Variants in C8orf89 observed in about 807,000 individuals in gnomAD.
C8orf89 encodes putative uncharacterized protein C8orf89.
Under a neutral mutation model 15.8 loss-of-function variants are expected in C8orf89, and 14 were observed. The ratio of observed to expected loss-of-function variants is 0.89; its 90% CI spans 0.59 to 1.39. The LOEUF (loss-of-function observed/expected upper bound fraction) is 1.39, where lower values mean the gene tolerates loss of function less well. Ranked by LOEUF, C8orf89 falls within the 40% of genes most tolerant of loss-of-function variation. The pLI is 0.00. For synonymous variants in C8orf89, 55 were observed against 62.2 expected (o/e 0.88, Z 0.54); for missense variants, 181 against 184.5 (o/e 0.98, Z 0.11).
intron 3 of C8orf89, among the ~76,000 whole-genome samples, chr8:73,248,806 G>T (rs1813184238): frequency 6.6e-6 from 1 of 152,128 alleles, no homozygotes; most frequent in Non-Finnish European, 1.5e-5. Context: ...TTGAAATTTT[G>T]CTGAAGTTGT....
chr8:73,268,363 C>T, the C8orf89 span, among the ~76,000 whole-genome samples: 1 of 151,988 alleles, frequency 6.6e-6, no homozygotes, highest in South Asian at 2.1e-4. Flanking sequence ...CCTGTAATCC[C>T]AGCTACTCAG....
chr8:73,282,389 T>G, the C8orf89 span, among the ~76,000 whole-genome samples: 470 of 152,236 alleles, frequency 3.1e-3, 4 homozygotes, highest in African/African-American at 0.011. Context: ...AAAAAAGACT[T>G]TAAAGAAATT....
chr8:73,285,379 C>T, the C8orf89 span, among the ~76,000 whole-genome samples: 1 of 152,220 alleles, frequency 6.6e-6, no homozygotes, highest in Non-Finnish European at 1.5e-5. Flanking sequence ...TAGTAGCCTT[C>T]CTCAGGTCCC....
chr8:73,260,520 G>A (rs979950390), upstream of C8orf89, among the ~76,000 whole-genome samples: 2 of 152,066 alleles, frequency 1.3e-5, no homozygotes, highest in Non-Finnish European at 2.9e-5. Context: ...ATGTACCCTA[G>A]AACTTAAAGT....
At position 73,241,616 on chromosome 8, in the gene C8orf89, A is replaced by T. The variant is rs1043986016; in HGVS notation, c.338-11T>A. ...CACTGAAGCCAGAACCTGGAGGAGGAGGTGGGGAGTCAGCTATTAAAATGA... is the reference window on the plus strand; with the variant it reads ...CACTGAAGCCAGAACCTGGAGGAGGTGGTGGGGAGTCAGCTATTAAAATGA... On this transcript the variant is annotated splice_polypyrimidine_tract_variant and intron_variant, in intron 3 of 3. Transcript: ENST00000624510. 7 of 1,491,778 alleles carry T rather than the reference A, an allele frequency of 4.7e-6. No individual in the cohort carries two copies. Among genetic ancestry groups the T allele is most frequent in the Non-Finnish European group, 6.2e-6 (7 of 1,126,096 alleles). 92.4% of individuals were successfully genotyped at this position (1,491,778 alleles called of 1,614,324 possible).
chr8:73,267,720 TC>T, the C8orf89 span, among the ~76,000 whole-genome samples: 5 of 152,194 alleles, frequency 3.3e-5, no homozygotes, highest in Non-Finnish European at 7.3e-5. Context: ...TAAACACTAA[TC>T]TAGGTGTTGC....
chr8:73,241,731 A>G, intron 3 of C8orf89, 126 bp from the exon 4 acceptor site: 1 of 751,640 alleles, frequency 1.3e-6, no homozygotes, highest in Non-Finnish European at 1.9e-6. Context: ...TAGTTCTTAT[A>G]CTACAGAGCT....
At chr8:73,283,936 G>T in the C8orf89 span, among the ~76,000 whole-genome samples, 2 of 151,908 alleles carry the variant, frequency 1.3e-5, no homozygotes, top group Non-Finnish European at 2.9e-5. Flanking sequence ...CCAGCTACTT[G>T]GGAGGCTGAG....
the C8orf89 span, among the ~76,000 whole-genome samples, chr8:73,269,310 T>G: frequency 6.6e-6 from 1 of 152,182 alleles, no homozygotes; most frequent in South Asian, 2.1e-4. Flanking sequence ...TAAAATATAT[T>G]TTGCTGTTAT....
chr8:73,260,413 C>T (rs1393982983), upstream of C8orf89, among the ~76,000 whole-genome samples: 1 of 151,952 alleles, frequency 6.6e-6, no homozygotes, highest in Non-Finnish European at 1.5e-5. Flanking sequence ...GCAGGGATAG[C>T]ATTAGGAGAT....
the C8orf89 span, among the ~76,000 whole-genome samples, chr8:73,285,589 G>A: frequency 2.0e-5 from 3 of 152,260 alleles, no homozygotes; most frequent in Non-Finnish European, 4.4e-5. Context: ...CTCGTCCTGA[G>A]ACGGGCCAGC....
At chr8:73,265,465 A>C in the C8orf89 span, among the ~76,000 whole-genome samples, 1 of 152,230 alleles carries the variant, frequency 6.6e-6, no homozygotes. Context: ...GTGGAACACA[A>C]AGAAGGGAGT....
upstream of C8orf89, among the ~76,000 whole-genome samples, chr8:73,264,120 A>G (rs953646000): frequency 4.6e-5 from 7 of 152,230 alleles, no homozygotes; most frequent in Non-Finnish European, 1.0e-4. Flanking sequence ...ACAGCACTTC[A>G]GTGTAACTAT....
the C8orf89 span, among the ~76,000 whole-genome samples, chr8:73,268,200 C>T: frequency 2.2e-4 from 34 of 152,288 alleles, no homozygotes; most frequent in Non-Finnish European, 4.3e-4. Flanking sequence ...ACATAGCAGG[C>T]TGGGCGCGGT....
chr8:73,276,109 TTTTATGG>T, the C8orf89 span, among the ~76,000 whole-genome samples: 3 of 152,098 alleles, frequency 2.0e-5, no homozygotes, highest in African/African-American at 7.2e-5. Context: ...AGTAAAATTT[TTTTATGG>T]TAAATATATT....
At chr8:73,277,160 T>C in the C8orf89 span, among the ~76,000 whole-genome samples, 1 of 152,144 alleles carries the variant, frequency 6.6e-6, no homozygotes, top group Non-Finnish European at 1.5e-5. Flanking sequence ...GTAATCCTCA[T>C]TGGTTTTTTA....
the C8orf89 span, among the ~76,000 whole-genome samples, chr8:73,269,399 CACT>C: frequency 1.3e-5 from 2 of 152,200 alleles, no homozygotes; most frequent in Admixed American, 6.5e-5. Flanking sequence ...AGTTAACCAC[CACT>C]GTCATAAATC....
chr8:73,255,990 A>G (rs1586165962), intron 2 of C8orf89, among the ~76,000 whole-genome samples: 1 of 151,342 alleles, frequency 6.6e-6, no homozygotes, highest in Middle Eastern at 3.4e-3. Context: ...GGATAGCTTT[A>G]GGAGATATAC....
At chr8:73,262,309 C>A (rs1813544423), upstream of C8orf89, among the ~76,000 whole-genome samples, 1 of 152,100 alleles carries the variant, frequency 6.6e-6, no homozygotes, top group African/African-American at 2.4e-5. Flanking sequence ...CTCACACCCT[C>A]CAGCGGACAT....
Sources: gnomAD v4.1 joint callset for allele counts (sites outside exome capture counted in the v4.1 genomes callset) on GRCh38, gnomAD v4.1.1 for gene constraint, MANE v1.5 for transcripts, NCBI Gene and HGNC (gene_info 2026-07-23, HGNC 2026-07-21) for gene names.